The following SPAG16 variants were observed in gnomAD, a reference collection of about 807,000 sequenced individuals.
SPAG16 encodes sperm-associated antigen 16 protein.
SPAG16 carries 86 observed loss-of-function variants against 80.4 expected under a neutral mutation model. The observed-to-expected ratio is 1.07, with a 90% confidence interval of 0.90 to 1.28. The LOEUF is 1.28. Ranked by LOEUF, SPAG16 falls within the 50% of genes most tolerant of loss-of-function variation. The probability of loss-of-function intolerance (pLI) is 0.00; values close to 1 mark genes in which losing one functional copy is unlikely to be tolerated. For synonymous variants in SPAG16, 294 were observed against 265.9 expected, an observed-to-expected ratio of 1.11 and a Z score of -1.03; for missense variants, 870 against 765.3, an observed-to-expected ratio of 1.14 and a Z score of -1.61.
At chr2:214,230,098 A>C (rs1688586047) in intron 15 of SPAG16, among the ~76,000 whole-genome samples, 1 of 151,956 alleles carries the variant, frequency 6.6e-6, no homozygotes, top group African/African-American at 2.4e-5. Flanking sequence ...GAAGCAATGA[A>C]AATAAAAATT....
At chr2:214,352,554 T>TTC (rs1422655238) in intron 15 of SPAG16, among the ~76,000 whole-genome samples, 3,353 of 13,720 alleles carry the variant, frequency 0.24, 135 homozygotes, top group African/African-American at 0.38. Context: ...TTGACTTTTT[T>TTC]TCTCTGTGTG....
chr2:213,956,665 G>A (rs1216102402), intron 12 of SPAG16, among the ~76,000 whole-genome samples: 4 of 151,680 alleles, frequency 2.6e-5, no homozygotes, highest in African/African-American at 9.7e-5. Context: ...CCATGCTGGT[G>A]TCAAACTCCT....
chr2:214,257,986 G>T (rs1690818940), intron 15 of SPAG16, among the ~76,000 whole-genome samples: 1 of 152,058 alleles, frequency 6.6e-6, no homozygotes, highest in South Asian at 2.1e-4. Flanking sequence ...TATAATAGAT[G>T]TAGAGCTACT....
chr2:213,968,037 C>A (rs2044799094), intron 12 of SPAG16, among the ~76,000 whole-genome samples: 1 of 152,176 alleles, frequency 6.6e-6, no homozygotes, highest in Non-Finnish European at 1.5e-5. Flanking sequence ...ACAGCTGCCG[C>A]AATTTGTTTA....
chr2:213,292,682 A>AAAAAAAAAAAAACAAAAAACAACAAC (rs1553617114), intron 1 of SPAG16, among the ~76,000 whole-genome samples: 1 of 134,276 alleles, frequency 7.4e-6, no homozygotes. Flanking sequence ...AAAACAAAAA[A>AAAAAAAAAAAAACAAAAAACAACAAC]AACAAAAAAA....
rs569925863 is a variant in SPAG16, at chr2:213,627,471, G to A, written c.1070+137381G>A. Among the ~76,000 whole-genome samples the A allele has an allele frequency of 7.0e-4, 106 of 152,182 alleles. 1 individual carries two copies. The highest frequency in any genetic ancestry group is 2.3e-3 in the African/African-American group (95 of 41,508). On this transcript the variant is annotated intron_variant, in intron 10 of 15. Transcript: ENST00000331683. ...AATACTCACCATTTAAGCCACTTGC[G>A]GAAAGCCCCTTTTTGCTTTCTAAAA...
intron 13 of SPAG16, among the ~76,000 whole-genome samples, chr2:214,066,301 A>G (rs1349436920): frequency 6.6e-6 from 1 of 152,096 alleles, no homozygotes; most frequent in East Asian, 1.9e-4. Context: ...ATAACCAAGC[A>G]CCATCTGAGG....
At chr2:214,266,032 AC>A (rs1417295190) in intron 15 of SPAG16, among the ~76,000 whole-genome samples, 1 of 151,854 alleles carries the variant, frequency 6.6e-6, no homozygotes. Flanking sequence ...TTACTGCTCT[AC>A]CCCCAGGGTC....
chr2:214,369,259 C>T (rs1182579194), intron 15 of SPAG16, among the ~76,000 whole-genome samples: 1 of 151,976 alleles, frequency 6.6e-6, no homozygotes, highest in East Asian at 1.9e-4. Flanking sequence ...TATCAAAGTA[C>T]TGTCTCAACT....
intron 12 of SPAG16, among the ~76,000 whole-genome samples, chr2:213,984,481 C>G (rs1362310891): frequency 6.6e-6 from 1 of 152,118 alleles, no homozygotes; most frequent in Non-Finnish European, 1.5e-5. Flanking sequence ...TTCTCACTTC[C>G]TCTACCTTAG....
intron 10 of SPAG16, among the ~76,000 whole-genome samples, chr2:213,775,153 T>G (rs552294377): frequency 6.6e-6 from 1 of 152,324 alleles, no homozygotes; most frequent in East Asian, 1.9e-4. Context: ...ATCCTGAGTC[T>G]CTTCTAGATT....
intron 15 of SPAG16, among the ~76,000 whole-genome samples, chr2:214,326,188 C>G (rs1696468032): frequency 6.6e-6 from 1 of 151,986 alleles, no homozygotes. Flanking sequence ...GGCTCTAAGT[C>G]TAATAAAAAG....
At chr2:213,669,380 G>A (rs549492506) in intron 10 of SPAG16, among the ~76,000 whole-genome samples, 3 of 152,224 alleles carry the variant, frequency 2.0e-5, no homozygotes, top group African/African-American at 7.2e-5. Flanking sequence ...TTCCCTCTAA[G>A]GCAGCCTCTA....
chr2:213,857,619 T>C lies in SPAG16; in HGVS notation c.1071-4866T>C, dbSNP rs757149891. On this transcript the variant is annotated intron_variant, in intron 10 of 15. Transcript: ENST00000331683. ...AAAATTCACCTGGTCACTCAAGAACTGTGATGAAGATGTACAAGGAGACAA... is the reference window on the plus strand; with the variant it reads ...AAAATTCACCTGGTCACTCAAGAACCGTGATGAAGATGTACAAGGAGACAA... Among the ~76,000 whole-genome samples the C allele has an allele frequency of 1.8e-4, 27 of 152,336 alleles. No individual in the cohort carries two copies. The Middle Eastern group carries it at 0.034, about 192-fold the overall frequency.
At chr2:213,341,939 G>A (rs921135538) in intron 6 of SPAG16, among the ~76,000 whole-genome samples, 7 of 152,114 alleles carry the variant, frequency 4.6e-5, no homozygotes, top group African/African-American at 1.7e-4. Flanking sequence ...GAATTATGAA[G>A]TACTTATGGA....
At chr2:214,104,484 A>T (rs924201202) in intron 13 of SPAG16, among the ~76,000 whole-genome samples, 4 of 152,024 alleles carry the variant, frequency 2.6e-5, no homozygotes, top group African/African-American at 9.7e-5. Context: ...GCCTGCCCCC[A>T]GAGTGGTGAT....
intron 10 of SPAG16, among the ~76,000 whole-genome samples, chr2:213,833,477 A>ATATATAT (rs2073825933): frequency 1.3e-3 from 4 of 2,998 alleles, no homozygotes; most frequent in Non-Finnish European, 3.9e-3. Context: ...ATATATAATA[A>ATATATAT]TATATATATT....
intron 15 of SPAG16, among the ~76,000 whole-genome samples, chr2:214,267,830 C>A (rs1691693920): frequency 6.6e-6 from 1 of 151,646 alleles, no homozygotes; most frequent in South Asian, 2.1e-4. Context: ...ACTACATGGG[C>A]TTATATCAGA....
chr2:213,425,102 T>TTG (rs1181477068), intron 9 of SPAG16, among the ~76,000 whole-genome samples: 1 of 151,720 alleles, frequency 6.6e-6, no homozygotes, highest in Non-Finnish European at 1.5e-5. Flanking sequence ...GGTGGGCGGA[T>TTG]CACGAGGTCA....
Sources: allele counts gnomAD v4.1 joint callset (sites outside exome capture counted in the v4.1 genomes callset), GRCh38; gene constraint gnomAD v4.1.1; transcripts MANE v1.5; gene names NCBI Gene and HGNC (gene_info 2026-07-23, HGNC 2026-07-21).